The following TMEM221 variants were observed in gnomAD, a reference collection of about 807,000 sequenced individuals.
TMEM221 encodes transmembrane protein 221, also known as Putative transmembrane protein ENSP00000342162.
In TMEM221, 11 loss-of-function variants were observed where a neutral mutation model predicts 10.2. The ratio of observed to expected loss-of-function variants is 1.08; its 90% confidence interval spans 0.68 to 1.79. TMEM221 has a LOEUF of 1.79. TMEM221 is among the 40% of genes most tolerant of loss of function. The pLI is 0.00. For missense variants in TMEM221, 382 were observed against 417.7 expected, an observed-to-expected ratio of 0.91 and a Z score of 0.75; for synonymous variants, 172 against 199.8, an observed-to-expected ratio of 0.86 and a Z score of 1.18.
Position 17,436,589 on chromosome 19 carries a change from T to G in TMEM221, c.745A>C (p.Ser249Arg). The G allele has an allele frequency of 6.5e-7, 1 of 1,536,082 alleles. No individual in the cohort carries two copies. The highest frequency in any genetic ancestry group is 8.7e-7 in the Non-Finnish European group (1 of 1,146,876). The change falls in exon 3 of 3, where the codon AGC becomes CGC. Residue 249 changes from serine to arginine, a missense_variant. By Grantham distance (110) the Ser-to-Arg change is moderately radical (BLOSUM62 -1). Coordinates refer to ENST00000341130, the MANE Select transcript of TMEM221 (RefSeq NM_001190844.2). ...PAALEGGWES[S>R]LPASRMHRTL... is the part of the protein sequence containing the mutation. The stretch of plus-strand genomic sequence containing the variant: ...CGGTGCATTCTGGATGCAGGCAGGC[T>G]GCTCTCCCAGCCTCCCTCCAGGGCT...
At chr19:17,437,135 G>C (rs553463328) in intron 2 of TMEM221, among the ~76,000 whole-genome samples, 1 of 152,246 alleles carries the variant, frequency 6.6e-6, no homozygotes, top group East Asian at 1.9e-4. Context: ...GAGAGGTTAG[G>C]GGACTCCTCA....
intron 2 of TMEM221, among the ~76,000 whole-genome samples, chr19:17,440,891 CAGTT>C (rs762540483): frequency 2.6e-5 from 4 of 152,072 alleles, no homozygotes; most frequent in Admixed American, 6.6e-5. Context: ...TCTCTGGCCT[CAGTT>C]AGCCAATGTG....
Position 17,448,062 on chromosome 19 carries a change from G to T in TMEM221, c.320+81C>A. On this transcript the variant is annotated intron_variant, in intron 1 of 2. Coordinates refer to ENST00000341130, the MANE Select transcript of TMEM221 (RefSeq NM_001190844.2). The surrounding 1 kb of genome is among the most constrained non-coding windows in gnomAD (Gnocchi z 4.7). ...GAGGGAAGCTGTCCCCCCAGCCTGA[G>T]GCCAAAAGAGGGGAAGAGGCTCAAC... The T allele has an allele frequency of 8.5e-7, 1 of 1,175,590 alleles. No homozygotes were observed. The highest frequency in any genetic ancestry group is 1.1e-6 in the Non-Finnish European group (1 of 932,240). 72.8% of individuals were successfully genotyped at this position (1,175,590 alleles called of 1,614,324 possible).
rs1356924097 is a variant in TMEM221, at chr19:17,435,658, T to C, written c.*800A>G. 1 of 152,194 alleles carries C rather than the reference T, an allele frequency of 6.6e-6. No homozygotes were observed. The highest frequency in any genetic ancestry group is 2.4e-5 in the African/African-American group (1 of 41,450). 9.4% of individuals were successfully genotyped at this position (152,194 alleles called of 1,614,324 possible). ...ACGATTAACACACATTGAGGACCTA[T>C]TGTGTGGGGGTCCCCGGAATGCCTC... On this transcript the variant is annotated 3_prime_UTR_variant, in exon 3 of 3. Coordinates refer to ENST00000341130, the MANE Select transcript of TMEM221 (RefSeq NM_001190844.2).
intron 1 of TMEM221, among the ~76,000 whole-genome samples, chr19:17,445,714 C>T (rs760621654): frequency 6.6e-6 from 1 of 151,282 alleles, no homozygotes; most frequent in Non-Finnish European, 1.5e-5. Flanking sequence ...ATCCATCTGT[C>T]CACTTATCCA....
chr19:17,440,220 GTAT>G (rs1192344616), intron 2 of TMEM221, among the ~76,000 whole-genome samples: 1 of 118,650 alleles, frequency 8.4e-6, no homozygotes, highest in Non-Finnish European at 1.8e-5. Context: ...GGTTAAAATG[GTAT>G]TTTTTTTTTT....
At chr19:17,447,221 CA>C (rs34087726) in intron 1 of TMEM221, among the ~76,000 whole-genome samples, 66,679 of 133,718 alleles carry the variant, frequency 0.5, 16,688 homozygotes, top group Non-Finnish European at 0.6. Context: ...GACTCTGTCT[CA>C]AAAAAAAAAA....
At chr19:17,437,501 G>T (rs1003919434) in intron 2 of TMEM221, among the ~76,000 whole-genome samples, 2 of 152,228 alleles carry the variant, frequency 1.3e-5, no homozygotes, top group Non-Finnish European at 2.9e-5. Context: ...GCTGAGGCAG[G>T]TGGATCACTT....
At position 17,447,612 on chromosome 19, in the gene TMEM221, G is replaced by A. The variant is rs551191535; in HGVS notation, c.320+531C>T. On this transcript the variant is annotated intron_variant, in intron 1 of 2. Coordinates refer to ENST00000341130, the MANE Select transcript of TMEM221 (RefSeq NM_001190844.2). ...ATTCTGGAGAGAAACACTACCATGTGGGACAGCGGAGTCCTCAGCTCAAGG... is the reference window on the plus strand; with the variant it reads ...ATTCTGGAGAGAAACACTACCATGTAGGACAGCGGAGTCCTCAGCTCAAGG... Among the ~76,000 whole-genome samples the A allele has an allele frequency of 3.9e-5, 6 of 152,306 alleles. No individual in the cohort carries two copies. The East Asian group carries it at 7.7e-4, about 20-fold the overall frequency.
chr19:17,445,476 C>T (rs2074949334), intron 1 of TMEM221, among the ~76,000 whole-genome samples, 192 bp from the exon 2 acceptor site: 1 of 152,110 alleles, frequency 6.6e-6, no homozygotes, highest in Non-Finnish European at 1.5e-5. Flanking sequence ...CTTATCCACT[C>T]TCCATCTATC....
intron 2 of TMEM221, among the ~76,000 whole-genome samples, chr19:17,440,309 C>T (rs961472511): frequency 6.7e-6 from 1 of 148,172 alleles, no homozygotes; most frequent in African/African-American, 2.5e-5. Context: ...TCACTGCAAG[C>T]TCTGCCTCCC....
At chr19:17,441,298 C>T (rs2074930968) in intron 2 of TMEM221, among the ~76,000 whole-genome samples, 1 of 151,762 alleles carries the variant, frequency 6.6e-6, no homozygotes, top group Admixed American at 6.6e-5. Flanking sequence ...TGGCACCATT[C>T]TTAGTGGTGG....
intron 1 of TMEM221, among the ~76,000 whole-genome samples, chr19:17,446,189 CATCCATCCATCCATCT>C (rs2074952606): frequency 4.5e-5 from 6 of 134,430 alleles, no homozygotes; most frequent in South Asian, 2.2e-4. Context: ...ACCCCTCATC[CATCCATCCATCCATCT>C]ATCCATCCAT....
Position 17,445,233 on chromosome 19 carries a change from GC to G in TMEM221, c.371del (p.Gly124AlafsTer11). On this transcript the variant is annotated frameshift_variant, in exon 2 of 3. Coordinates refer to ENST00000341130, the MANE Select transcript of TMEM221 (RefSeq NM_001190844.2). LOFTEE classifies it low-confidence loss of function (END_TRUNC). ...DCRLLRHVAL[G>X]LFCCGISVYL... ...AGACGGAGATCCCACAGCAGAAAAG[GC>G]CAAGGGCCACATGTCTGAGGAGGCG... 6.5e-7 allele frequency: 1 copy of G among 1,536,002 alleles called. No individual in the cohort carries two copies. The highest frequency in any genetic ancestry group is 8.7e-7 in the Non-Finnish European group (1 of 1,146,786).
intron 2 of TMEM221, among the ~76,000 whole-genome samples, chr19:17,439,366 A>C (rs2074922626): frequency 6.6e-6 from 1 of 152,014 alleles, no homozygotes; most frequent in Admixed American, 6.6e-5. Flanking sequence ...ACAGAGTGTG[A>C]GGTGTCATTG....
In TMEM221 at chr19:17,445,183, C is replaced by A. The variant is rs556396354; in HGVS notation, c.406+16G>T. The A allele has an allele frequency of 1.3e-6, 2 of 1,533,846 alleles. No individual in the cohort carries two copies. The highest frequency in any genetic ancestry group is 1.7e-6 in the Non-Finnish European group (2 of 1,145,144). On this transcript the variant is annotated intron_variant, in intron 2 of 2. Transcript: ENST00000341130. ...AGCCCAGGGTCCCATGCCCCACGTT[C>A]TATTCCAGCACACACCTGCTAAATA...
chr19:17,448,540 C>T lies in TMEM221; in HGVS notation c.-78G>A. 1 of 1,165,180 alleles carries T rather than the reference C, an allele frequency of 8.6e-7. No individual in the cohort carries two copies. Among genetic ancestry groups the T allele is most frequent in the Non-Finnish European group, 1.1e-6 (1 of 902,292 alleles). The allele number at this position is 1,165,180 out of a possible 1,614,324, so 72.2% of individuals were successfully genotyped here. The stretch of plus-strand genomic sequence containing the variant: ...GAGGGCAGGGGAGTTGGGGGGAATC[C>T]GAGGGTCCTCAGGGGGTCCCCGAGG... On this transcript the variant is annotated 5_prime_UTR_variant, in exon 1 of 3. Coordinates refer to ENST00000341130, the MANE Select transcript of TMEM221 (RefSeq NM_001190844.2). The surrounding 1 kb of genome is among the most constrained non-coding windows in gnomAD (Gnocchi z 4.7).
chr19:17,443,709 T>C (rs2074940945), intron 2 of TMEM221, among the ~76,000 whole-genome samples: 1 of 152,132 alleles, frequency 6.6e-6, no homozygotes, highest in Non-Finnish European at 1.5e-5. Context: ...ATCCTGTTTT[T>C]CATTCAGTAG....
At chr19:17,445,543 C>A (rs1439608995) in intron 1 of TMEM221, among the ~76,000 whole-genome samples, 1 of 152,156 alleles carries the variant, frequency 6.6e-6, no homozygotes, top group African/African-American at 2.4e-5. Flanking sequence ...TCTATCCACC[C>A]ATTTATCCAT....
Sources: gnomAD v4.1 joint callset for allele counts (sites outside exome capture counted in the v4.1 genomes callset) on GRCh38, gnomAD v4.1.1 for gene constraint, Gnocchi (gnomAD v3.1) non-coding constraint, MANE v1.5 for transcripts, NCBI Gene and HGNC (gene_info 2026-07-23, HGNC 2026-07-21) for gene names.